Variants in TFEC observed in about 807,000 individuals in gnomAD.
TFEC encodes transcription factor EC, also known as class E basic helix-loop-helix protein 34.
Under a neutral mutation model 41.6 loss-of-function variants are expected in TFEC, and 31 were observed. The ratio of observed to expected loss-of-function variants is 0.74; its 90% CI spans 0.56 to 1.01. The LOEUF (loss-of-function observed/expected upper bound fraction) is 1.01, where lower values mean the gene tolerates loss of function less well. Ranked by LOEUF, TFEC falls within the 50% of genes least tolerant of loss-of-function variation. TFEC has a pLI of 0.00. For synonymous variants in TFEC, 143 were observed against 140.6 expected (o/e 1.02, Z -0.12); for missense variants, 402 against 404.1 (o/e 0.99, Z 0.04).
chr7:116,139,485 T>G (rs1798497906), intron 1 of TFEC, among the ~76,000 whole-genome samples: 1 of 152,192 alleles, frequency 6.6e-6, no homozygotes, highest in South Asian at 2.1e-4. Flanking sequence ...AAGCTCACCT[T>G]TCATCACACT....
chr7:116,055,012 A>G (rs922074889), intron 3 of TFEC, among the ~76,000 whole-genome samples: 2 of 152,176 alleles, frequency 1.3e-5, no homozygotes, highest in African/African-American at 4.8e-5. Context: ...TGTAAAAGCA[A>G]AAGTATTTTC....
chr7:116,093,465 T>C (rs1415104526), intron 3 of TFEC, among the ~76,000 whole-genome samples: 4 of 152,162 alleles, frequency 2.6e-5, no homozygotes, highest in Non-Finnish European at 5.9e-5. Flanking sequence ...TTTGAGGCTT[T>C]GACTTCTGAA....
intron 6 of TFEC, among the ~76,000 whole-genome samples, chr7:115,942,969 T>C (rs1356375932): frequency 1.3e-5 from 2 of 152,056 alleles, no homozygotes; most frequent in Non-Finnish European, 2.9e-5. Flanking sequence ...GTTTTTAATA[T>C]AGCATAAAGT....
At chr7:116,154,193 A>G (rs560751244) in intron 1 of TFEC, among the ~76,000 whole-genome samples, 33 of 152,318 alleles carry the variant, frequency 2.2e-4, no homozygotes, top group African/African-American at 7.9e-4. Flanking sequence ...CCAAGTTGAT[A>G]TATGTACTGG....
At chr7:116,011,965 T>A (rs1584693695) in intron 1 of TFEC, among the ~76,000 whole-genome samples, 1 of 152,226 alleles carries the variant, frequency 6.6e-6, no homozygotes, top group East Asian at 1.9e-4. Flanking sequence ...ACTATGCTTC[T>A]TGTAGGATCT....
intron 1 of TFEC, among the ~76,000 whole-genome samples, chr7:116,147,666 G>A (rs1280836242): frequency 6.7e-6 from 1 of 148,692 alleles, no homozygotes; most frequent in African/African-American, 2.5e-5. Context: ...TTGGTTTTTT[G>A]TCCTTGCAAT....
chr7:116,104,631 T>C (rs1206454187), intron 3 of TFEC, among the ~76,000 whole-genome samples: 1 of 152,176 alleles, frequency 6.6e-6, no homozygotes, highest in Non-Finnish European at 1.5e-5. Flanking sequence ...TTTTACTTTT[T>C]CAGCTTTGCA....
intron 1 of TFEC, among the ~76,000 whole-genome samples, chr7:116,119,020 T>G (rs1479203945): frequency 6.6e-6 from 1 of 151,960 alleles, no homozygotes; most frequent in Non-Finnish European, 1.5e-5. Flanking sequence ...AGCATTTTAT[T>G]GTGGATCATC....
At chr7:115,973,194 C>T (rs1346359188) in intron 3 of TFEC, among the ~76,000 whole-genome samples, 1 of 151,728 alleles carries the variant, frequency 6.6e-6, no homozygotes, top group East Asian at 1.9e-4. Flanking sequence ...ATGTGGAGGT[C>T]CTGCATACTA....
intron 5 of TFEC, among the ~76,000 whole-genome samples, chr7:115,953,909 C>T (rs1413925494): frequency 6.6e-6 from 1 of 152,066 alleles, no homozygotes; most frequent in Non-Finnish European, 1.5e-5. Context: ...TTTCATTCTA[C>T]TCTGTTCTCA....
At chr7:116,098,387 C>T (rs530559397) in intron 3 of TFEC, among the ~76,000 whole-genome samples, 1 of 152,066 alleles carries the variant, frequency 6.6e-6, no homozygotes, top group East Asian at 1.9e-4. Context: ...TCGGCGTGAA[C>T]CACTGCGCCC....
intron 1 of TFEC, among the ~76,000 whole-genome samples, chr7:116,132,606 G>T (rs932505815): frequency 6.6e-6 from 1 of 152,160 alleles, no homozygotes. Context: ...TTGGTGCCAC[G>T]GCCTTCATTC....
intron 1 of TFEC, among the ~76,000 whole-genome samples, chr7:116,132,592 C>T (rs1798354378): frequency 6.6e-6 from 1 of 152,162 alleles, no homozygotes; most frequent in Admixed American, 6.5e-5. Context: ...GACTGACTAG[C>T]GGTTTGGTGC....
At chr7:116,140,472 G>A (rs1798518052) in intron 1 of TFEC, among the ~76,000 whole-genome samples, 1 of 152,192 alleles carries the variant, frequency 6.6e-6, no homozygotes. Flanking sequence ...CCTTGAGAGA[G>A]CCTAGTAGAT....
chr7:116,067,124 G>A (rs1796712371), intron 3 of TFEC, among the ~76,000 whole-genome samples: 2 of 151,954 alleles, frequency 1.3e-5, no homozygotes, highest in Admixed American at 6.6e-5. Flanking sequence ...TCATAAAAGG[G>A]AGACTTAGAA....
At chr7:116,117,651 A>G (rs1051012093) in intron 1 of TFEC, 4 of 151,862 alleles carry the variant, frequency 2.6e-5, no homozygotes, top group African/African-American at 9.7e-5. Flanking sequence ...TTTCCCTAAC[A>G]AAGACGAATA....
intron 3 of TFEC, among the ~76,000 whole-genome samples, chr7:116,062,189 T>C (rs1056084709): frequency 2.1e-5 from 3 of 145,936 alleles, no homozygotes; most frequent in Admixed American, 1.4e-4. Context: ...GCCTCCCAAG[T>C]AGCTGAGACT....
At chr7:116,008,732 T>G (rs915251373) in intron 1 of TFEC, among the ~76,000 whole-genome samples, 7 of 152,186 alleles carry the variant, frequency 4.6e-5, no homozygotes, top group African/African-American at 1.4e-4. Context: ...TCATCTTGAC[T>G]AAAACTTAAA....
intron 3 of TFEC, among the ~76,000 whole-genome samples, chr7:116,052,221 G>A (rs1225935461): frequency 6.6e-6 from 1 of 151,966 alleles, no homozygotes; most frequent in Non-Finnish European, 1.5e-5. Flanking sequence ...TGAGTCAGTG[G>A]ATTTTAGTAA....
Sources: allele counts gnomAD v4.1 joint callset (sites outside exome capture counted in the v4.1 genomes callset), GRCh38; gene constraint gnomAD v4.1.1; transcripts MANE v1.5; gene names NCBI Gene and HGNC (gene_info 2026-07-23, HGNC 2026-07-21).